The following SLC35F4 variants were observed in gnomAD, a reference collection of about 807,000 sequenced individuals.
The protein encoded by SLC35F4 is chromosome 14 open reading frame 36.
A neutral mutation model predicts 44.2 loss-of-function variants in SLC35F4; 24 were observed. That is an observed-to-expected ratio of 0.54 (90% CI 0.39 to 0.76). The LOEUF (loss-of-function observed/expected upper bound fraction) is 0.76, where lower values mean the gene tolerates loss of function less well. Among genes scored for constraint, SLC35F4 ranks in the 30% least tolerant of loss-of-function variants. SLC35F4 has a pLI of 0.00. For synonymous variants in SLC35F4, 238 were observed against 223.6 expected (o/e 1.06, Z -0.57); for missense variants, 562 against 586.1 (o/e 0.96, Z 0.42).
At chr14:57,949,515 A>G (rs188898406) in intron 1 of SLC35F4, among the ~76,000 whole-genome samples, 1 of 152,258 alleles carries the variant, frequency 6.6e-6, no homozygotes, top group Admixed American at 6.5e-5. Flanking sequence ...GAAGCATTTA[A>G]GCCATTTGCA....
chr14:57,658,361 T>C (rs1376917429), intron 1 of SLC35F4, among the ~76,000 whole-genome samples: 1 of 152,214 alleles, frequency 6.6e-6, no homozygotes, highest in African/African-American at 2.4e-5. Context: ...TTTTAAGTGC[T>C]TCCTTATCAA....
At chr14:57,699,097 T>A (rs987090686) in intron 1 of SLC35F4, among the ~76,000 whole-genome samples, 3 of 152,150 alleles carry the variant, frequency 2.0e-5, no homozygotes, top group African/African-American at 7.2e-5. Flanking sequence ...CTGCCTTCTG[T>A]AGGAATAGAC....
chr14:57,628,767 G>T (rs1220784410), intron 1 of SLC35F4, among the ~76,000 whole-genome samples: 1 of 152,104 alleles, frequency 6.6e-6, no homozygotes, highest in East Asian at 1.9e-4. Context: ...TTGGGCTCCA[G>T]ATAAACTACC....
chr14:57,739,131 G>A (rs2076541905), intron 1 of SLC35F4, among the ~76,000 whole-genome samples: 1 of 152,072 alleles, frequency 6.6e-6, no homozygotes, highest in Non-Finnish European at 1.5e-5. Flanking sequence ...GTAACTTTTG[G>A]TGTCCAAAAA....
At chr14:57,954,626 A>G (rs1232060683) in intron 1 of SLC35F4, among the ~76,000 whole-genome samples, 2 of 152,190 alleles carry the variant, frequency 1.3e-5, no homozygotes, top group East Asian at 3.9e-4. Flanking sequence ...ACAAACTACC[A>G]TCAGAGAATA....
intron 1 of SLC35F4, among the ~76,000 whole-genome samples, chr14:57,842,437 G>A (rs1259180435): frequency 1.3e-5 from 2 of 152,138 alleles, no homozygotes; most frequent in Non-Finnish European, 2.9e-5. Flanking sequence ...TAGAAGCTAA[G>A]CTATGGGGTC....
At chr14:57,658,216 ACT>A (rs1181348817) in intron 1 of SLC35F4, among the ~76,000 whole-genome samples, 4 of 152,152 alleles carry the variant, frequency 2.6e-5, no homozygotes, top group Non-Finnish European at 5.9e-5. Flanking sequence ...CAGATGAAAG[ACT>A]CTATAAACAG....
chr14:57,615,330 T>C (rs1246199876), intron 1 of SLC35F4, among the ~76,000 whole-genome samples: 1 of 149,060 alleles, frequency 6.7e-6, no homozygotes, highest in Non-Finnish European at 1.5e-5. Flanking sequence ...TGAGAATCCC[T>C]GAAAGAACAA....
chr14:57,788,915 G>A (rs1287805105), intron 1 of SLC35F4, among the ~76,000 whole-genome samples: 5 of 152,034 alleles, frequency 3.3e-5, no homozygotes, highest in African/African-American at 7.3e-5. Flanking sequence ...ATGACTACTG[G>A]GTACATAACG....
intron 1 of SLC35F4, among the ~76,000 whole-genome samples, chr14:57,875,698 T>C (rs910233165): frequency 3.3e-5 from 5 of 152,240 alleles, no homozygotes; most frequent in African/African-American, 1.2e-4. Flanking sequence ...GCAAAGCCTC[T>C]TGAGGCCTAG....
chr14:57,832,995 A>C (rs1296258864), intron 1 of SLC35F4, among the ~76,000 whole-genome samples: 1 of 152,202 alleles, frequency 6.6e-6, no homozygotes, highest in Non-Finnish European at 1.5e-5. Context: ...CATTTCTTTA[A>C]TGATAAATAT....
intron 1 of SLC35F4, among the ~76,000 whole-genome samples, chr14:57,649,683 C>A (rs2073697728): frequency 6.6e-6 from 1 of 152,166 alleles, no homozygotes; most frequent in Non-Finnish European, 1.5e-5. Context: ...TGGGCCATAT[C>A]TATTTTTCTC....
At chr14:57,681,478 A>T (rs550746214) in intron 1 of SLC35F4, among the ~76,000 whole-genome samples, 18 of 151,930 alleles carry the variant, frequency 1.2e-4, no homozygotes, top group Non-Finnish European at 2.1e-4. Context: ...ATATAAAATG[A>T]TACAAAATTT....
At chr14:57,884,599 C>T (rs1309672806) in intron 1 of SLC35F4, among the ~76,000 whole-genome samples, 1 of 152,098 alleles carries the variant, frequency 6.6e-6, no homozygotes, top group African/African-American at 2.4e-5. Flanking sequence ...ACACCTCATG[C>T]CAATGTATAC....
intron 1 of SLC35F4, among the ~76,000 whole-genome samples, chr14:57,835,838 C>A (rs1884862647): frequency 2.0e-5 from 3 of 152,212 alleles, no homozygotes; most frequent in Admixed American, 6.5e-5. Flanking sequence ...TGGCATCAAG[C>A]CATGTCTAGT....
chr14:57,705,396 T>C (rs1368883289), intron 1 of SLC35F4, among the ~76,000 whole-genome samples: 2 of 152,230 alleles, frequency 1.3e-5, no homozygotes, highest in African/African-American at 4.8e-5. Context: ...ATACTTCCTG[T>C]GCTGGTTCTC....
intron 1 of SLC35F4, among the ~76,000 whole-genome samples, chr14:57,977,387 G>GAT (rs1881249749): frequency 1.3e-5 from 2 of 152,138 alleles, no homozygotes; most frequent in Non-Finnish European, 2.9e-5. Context: ...AGTCTGACAA[G>GAT]ACCCAATAGG....
chr14:57,701,906 AAATAG>A (rs753644498), intron 1 of SLC35F4, among the ~76,000 whole-genome samples: 15 of 152,196 alleles, frequency 9.9e-5, no homozygotes, highest in African/African-American at 1.7e-4. Context: ...GAAACTGTGA[AAATAG>A]AAATTGTGGA....
intron 1 of SLC35F4, among the ~76,000 whole-genome samples, chr14:57,629,389 A>G (rs2072649979): frequency 6.6e-6 from 1 of 152,158 alleles, no homozygotes; most frequent in Non-Finnish European, 1.5e-5. Flanking sequence ...AAACTGCAGG[A>G]GAGTTGTTGG....
Sources: allele counts gnomAD v4.1 joint callset (sites outside exome capture counted in the v4.1 genomes callset), GRCh38; gene constraint gnomAD v4.1.1; transcripts MANE v1.5; gene names NCBI Gene and HGNC (gene_info 2026-07-23, HGNC 2026-07-21).